The following LINGO2 variants were observed in gnomAD, a reference collection of about 807,000 sequenced individuals.
The protein encoded by LINGO2 is leucine-rich repeat and immunoglobulin-like domain-containing nogo receptor-interacting protein 2.
Under a neutral mutation model 30.6 loss-of-function variants are expected in LINGO2, and 14 were observed. The ratio of observed to expected loss-of-function variants is 0.46; its 90% CI spans 0.30 to 0.72. LINGO2 has a LOEUF of 0.72. Ranked by LOEUF, LINGO2 falls within the 30% of genes least tolerant of loss-of-function variation. The pLI, the probability that LINGO2 is intolerant of heterozygous loss-of-function variation, is 0.07. For missense variants in LINGO2, 729 were observed against 751.7 expected (o/e 0.97, Z 0.35); for synonymous variants, 317 against 288.5 (o/e 1.10, Z -1.00).
the LINGO2 span, among the ~76,000 whole-genome samples, chr9:28,970,056 G>A: frequency 9.2e-5 from 14 of 152,090 alleles, no homozygotes; most frequent in African/African-American, 3.1e-4. Flanking sequence ...GGAAGACAGT[G>A]TACGTGGGAA....
chr9:28,095,008 A>C (rs1282710443), intron 4 of LINGO2, among the ~76,000 whole-genome samples: 4 of 152,152 alleles, frequency 2.6e-5, no homozygotes, highest in Non-Finnish European at 1.5e-5. Context: ...TAATATTTTA[A>C]AAATTTAGTA....
Position 28,523,010 on chromosome 9 carries a change from A to G in LINGO2, c.-364-46985T>C, listed in dbSNP as rs529580588. On this transcript the variant is annotated intron_variant, in intron 1 of 5. Transcript: ENST00000379992. Reference sequence around the variant, plus strand: ...ACAAATGAAGCAGAAAAAAATGTATAAAAAGCAGTGGAGTGAAAATATAAG... The same window carrying G: ...ACAAATGAAGCAGAAAAAAATGTATGAAAAGCAGTGGAGTGAAAATATAAG... Among the ~76,000 whole-genome samples, 3 of 152,254 alleles carry G rather than the reference A, an allele frequency of 2.0e-5. No homozygotes were observed. The South Asian group carries it at 6.2e-4, about 32-fold the overall frequency.
the LINGO2 span, among the ~76,000 whole-genome samples, chr9:28,934,552 A>T: frequency 1.6e-4 from 25 of 152,312 alleles, no homozygotes; most frequent in South Asian, 4.6e-3. Context: ...ATTGCAGTAA[A>T]GGAAATACTT....
chr9:29,137,823 A>T, the LINGO2 span, among the ~76,000 whole-genome samples: 7 of 152,224 alleles, frequency 4.6e-5, no homozygotes, highest in East Asian at 1.4e-3. Flanking sequence ...TGTTCTCAAC[A>T]TATTAGTTAT....
chr9:28,781,997 T>C, the LINGO2 span, among the ~76,000 whole-genome samples: 3 of 152,208 alleles, frequency 2.0e-5, no homozygotes, highest in Non-Finnish European at 4.4e-5. Context: ...CAGTAACTTA[T>C]AGTCATATTT....
the LINGO2 span, among the ~76,000 whole-genome samples, chr9:28,872,206 A>G: frequency 9.2e-5 from 14 of 152,072 alleles, no homozygotes; most frequent in Non-Finnish European, 1.6e-4. Flanking sequence ...TTGTGTTTTA[A>G]TGATTCCCAA....
chr9:28,028,392 A>T (rs895671629), intron 4 of LINGO2, among the ~76,000 whole-genome samples: 1 of 152,166 alleles, frequency 6.6e-6, no homozygotes, highest in Non-Finnish European at 1.5e-5. Context: ...CATCATGATG[A>T]GCTGGTAGGA....
At chr9:28,310,961 T>C (rs1360560665) in intron 3 of LINGO2, among the ~76,000 whole-genome samples, 1 of 152,144 alleles carries the variant, frequency 6.6e-6, no homozygotes, top group Admixed American at 6.6e-5. Context: ...AGTTCAACAA[T>C]ACTAATATTG....
chr9:28,241,267 C>CAAAAAAAAAAAAAAAAAAAA (rs1164724626), intron 4 of LINGO2, among the ~76,000 whole-genome samples: 2 of 83,594 alleles, frequency 2.4e-5, no homozygotes, highest in Non-Finnish European at 4.6e-5. Flanking sequence ...GACCCTGTCT[C>CAAAAAAAAAAAAAAAAAAAA]AAAAAAAAAA....
chr9:27,979,404 G>T (rs1820751394), intron 5 of LINGO2, among the ~76,000 whole-genome samples: 1 of 151,862 alleles, frequency 6.6e-6, no homozygotes, highest in Non-Finnish European at 1.5e-5. Flanking sequence ...TATACTCCTG[G>T]GTCACTGCTT....
intron 4 of LINGO2, among the ~76,000 whole-genome samples, chr9:28,056,742 G>A (rs1410342260): frequency 6.6e-6 from 1 of 152,128 alleles, no homozygotes; most frequent in African/African-American, 2.4e-5. Context: ...TTTTACTTTC[G>A]TCACTTGCAA....
At chr9:28,074,855 T>A (rs1378067263) in intron 4 of LINGO2, among the ~76,000 whole-genome samples, 1 of 151,974 alleles carries the variant, frequency 6.6e-6, no homozygotes, top group East Asian at 1.9e-4. Context: ...TATATCAGAA[T>A]AAGTGATAGG....
At chr9:29,069,648 T>A in the LINGO2 span, among the ~76,000 whole-genome samples, 1 of 152,128 alleles carries the variant, frequency 6.6e-6, no homozygotes, top group East Asian at 1.9e-4. Flanking sequence ...TTAATAATAA[T>A]TTAGTCTCTC....
chr9:28,801,667 G>T, the LINGO2 span, among the ~76,000 whole-genome samples: 10 of 152,110 alleles, frequency 6.6e-5, no homozygotes, highest in African/African-American at 2.2e-4. Flanking sequence ...ACTCCTTCCA[G>T]GTGGAAGCTA....
chr9:28,927,450 G>C, the LINGO2 span, among the ~76,000 whole-genome samples: 1 of 152,140 alleles, frequency 6.6e-6, no homozygotes, highest in Non-Finnish European at 1.5e-5. Context: ...CTTAGATGAA[G>C]AGCTAATCTA....
chr9:29,016,463 T>C, the LINGO2 span, among the ~76,000 whole-genome samples: 5 of 152,194 alleles, frequency 3.3e-5, no homozygotes. Context: ...TTAAAAATTA[T>C]CATTGTTCTC....
chr9:28,111,974 A>G lies in LINGO2; in HGVS notation c.-86-99569T>C, dbSNP rs184952490. ...TGCACATTGTGCAGGTTAGTTACAT[A>G]TGTATACATGTGCCATGCTGGTGCG... On this transcript the variant is annotated intron_variant, in intron 4 of 5. Coordinates refer to ENST00000379992, the Ensembl canonical transcript of LINGO2. Among the ~76,000 whole-genome samples, 1,093 of 146,268 alleles carry G rather than the reference A, an allele frequency of 7.5e-3. 21 individuals are homozygous for G. The highest frequency in any genetic ancestry group is 0.026 in the African/African-American group (1,032 of 39,512).
chr9:28,685,838 C>T, the LINGO2 span, among the ~76,000 whole-genome samples: 1 of 152,044 alleles, frequency 6.6e-6, no homozygotes, highest in African/African-American at 2.4e-5. Flanking sequence ...TATTTCCTCA[C>T]CATCCCTCAA....
At chr9:28,711,290 C>T in the LINGO2 span, among the ~76,000 whole-genome samples, 1 of 152,056 alleles carries the variant, frequency 6.6e-6, no homozygotes, top group Non-Finnish European at 1.5e-5. Context: ...CATAGCCTTG[C>T]ACTTAACAGC....
Sources: allele counts gnomAD v4.1 joint callset (sites outside exome capture counted in the v4.1 genomes callset), GRCh38; gene constraint gnomAD v4.1.1; transcripts MANE v1.5; gene names NCBI Gene and HGNC (gene_info 2026-07-23, HGNC 2026-07-21).